Variants in ZFP64 observed in about 807,000 individuals in gnomAD.
The protein encoded by ZFP64 is ZFP64 zinc finger protein.
In ZFP64, 14 loss-of-function variants were observed where a neutral mutation model predicts 51.6. The observed-to-expected ratio is 0.27, with a 90% CI of 0.18 to 0.42. ZFP64 has a LOEUF of 0.42. Ranked by LOEUF, ZFP64 falls within the 10% of genes least tolerant of loss-of-function variation. The pLI is 1.00. For synonymous variants in ZFP64, 375 were observed against 361.4 expected, an observed-to-expected ratio of 1.04 and a Z score of -0.43; for missense variants, 754 against 906.8, an observed-to-expected ratio of 0.83 and a Z score of 2.16.
rs563210926 is a variant in ZFP64, at chr20:52,155,644, C to CT, written c.764-2217dup. Among the ~76,000 whole-genome samples the CT allele has an allele frequency of 1.5e-3, 213 of 146,418 alleles. 1 individual carries two copies. Among genetic ancestry groups the CT allele is most frequent in the Middle Eastern group, 3.5e-3 (1 of 286 alleles). On this transcript the variant is annotated intron_variant, in intron 5 of 5. Transcript: ENST00000216923. ...AAGCAAAGGTTTTAAATTCCTTTGT[C>CT]TTTTTTTTTTTAATTTAACCATAAA...
chr20:52,126,098 A>G (rs1979433516), intron 5 of ZFP64, among the ~76,000 whole-genome samples: 1 of 152,042 alleles, frequency 6.6e-6, no homozygotes, highest in Admixed American at 6.6e-5. Context: ...GCGTTTTACC[A>G]TGTTGGCCAG....
In ZFP64 at chr20:52,102,502, C is replaced by G. The variant is rs527836557; in HGVS notation, c.764-3915G>C. ...TTCAGCTCATTGGAACCCACACTTG[C>G]CAGATCTGCAACCCATCCTATGTCC... On this transcript the variant is annotated intron_variant, in intron 5 of 8. Transcript: ENST00000361387. Among the ~76,000 whole-genome samples, 8 of 152,276 alleles carry G rather than the reference C, an allele frequency of 5.3e-5. No individual in the cohort carries two copies. The South Asian group carries it at 1.0e-3, about 20-fold the overall frequency.
chr20:52,110,973 G>T, intron 5 of ZFP64: 2 of 1,500,730 alleles, frequency 1.3e-6, no homozygotes, highest in Non-Finnish European at 1.9e-6. Flanking sequence ...AGACGAACCT[G>T]CTTTTGGGAA....
At chr20:52,166,723 T>C (rs1365390625) in intron 2 of ZFP64, among the ~76,000 whole-genome samples, 1 of 152,176 alleles carries the variant, frequency 6.6e-6, no homozygotes, top group African/African-American at 2.4e-5. Flanking sequence ...CCCACATTGT[T>C]AACTACCATG....
intron 4 of ZFP64, 97 bp downstream of exon 4, chr20:52,164,598 C>T (rs73914231): frequency 0.013 from 13,236 of 1,018,452 alleles, 533 homozygotes; most frequent in East Asian, 0.12. Flanking sequence ...CAGCCAGTGA[C>T]GTTTGGAGTG....
At chr20:52,102,953 C>T (rs951497112) in intron 5 of ZFP64, among the ~76,000 whole-genome samples, 3 of 151,784 alleles carry the variant, frequency 2.0e-5, no homozygotes, top group Non-Finnish European at 2.9e-5. Context: ...ATGTTTTCAA[C>T]GCAAACTAGA....
Position 52,085,356 on chromosome 20 carries a change from G to A in ZFP64, c.1229-90C>T, listed in dbSNP as rs1767484787. ...GCCTTAGCACACTTGGCCGCCATGA[G>A]ATGGTTGGGTTTTGTGAACTCTAAA... On this transcript the variant is annotated intron_variant, in intron 8 of 8. Coordinates refer to the ZFP64 transcript ENST00000361387. This position sits in a 1 kb window ranked among gnomAD's most constrained non-coding sequence, Gnocchi z 4.3. 2 of 1,387,134 alleles carry A rather than the reference G, an allele frequency of 1.4e-6. No homozygotes were observed. Among genetic ancestry groups the A allele is most frequent in the Non-Finnish European group, 1.9e-6 (2 of 1,033,974 alleles). 85.9% of individuals were successfully genotyped at this position (1,387,134 alleles called of 1,614,324 possible). A position where few individuals can be genotyped will look rare whatever the true frequency, so the allele number is the denominator to read the frequency against.
rs896780690 is a variant in ZFP64 at position 52,105,011 on chromosome 20, G to A, written c.764-6424C>T. ...GCCCAGGTCCGAGTCCCAGGACTCTGCGCCGGACGCTTCGCCCGCCCTTTC... is the reference window on the plus strand; with the variant it reads ...GCCCAGGTCCGAGTCCCAGGACTCTACGCCGGACGCTTCGCCCGCCCTTTC... On this transcript the variant is annotated intron_variant, in intron 5 of 8. Coordinates refer to the ZFP64 transcript ENST00000361387. The A allele has an allele frequency of 9.2e-6, 11 of 1,196,418 alleles. No individual in the cohort carries two copies. The East Asian group carries it at 1.4e-4, about 15-fold the overall frequency. 74.1% of individuals were successfully genotyped at this position (1,196,418 alleles called of 1,614,324 possible). A position where few individuals can be genotyped will look rare whatever the true frequency, so the allele number is the denominator to read the frequency against.
At chr20:52,140,816 A>T (rs1478829877) in intron 5 of ZFP64, among the ~76,000 whole-genome samples, 1 of 152,176 alleles carries the variant, frequency 6.6e-6, no homozygotes, top group Non-Finnish European at 1.5e-5. Context: ...AGAAGATACC[A>T]TCTAGGATGT....
At chr20:52,113,592 C>CTT (rs61331317) in intron 5 of ZFP64, among the ~76,000 whole-genome samples, 2,928 of 126,900 alleles carry the variant, frequency 0.023, 108 homozygotes, top group African/African-American at 0.069. Context: ...CCATACCTGG[C>CTT]TTTTTTTTTT....
chr20:52,091,023 T>C (rs1568940850), intron 7 of ZFP64, among the ~76,000 whole-genome samples: 1 of 150,178 alleles, frequency 6.7e-6, no homozygotes, highest in Non-Finnish European at 1.5e-5. Flanking sequence ...GAGGATCACA[T>C]GAGCCCAGAA....
At chr20:52,161,563 G>A (rs568204094) in intron 4 of ZFP64, among the ~76,000 whole-genome samples, 8 of 150,818 alleles carry the variant, frequency 5.3e-5, no homozygotes, top group South Asian at 2.1e-4. Context: ...CCCACAACGC[G>A]GTTGTTAAGG....
intron 5 of ZFP64, among the ~76,000 whole-genome samples, chr20:52,142,411 C>CACACAA (rs1980316624): frequency 6.7e-6 from 1 of 150,300 alleles, no homozygotes; most frequent in Non-Finnish European, 1.5e-5. Flanking sequence ...CACACACACA[C>CACACAA]ACACACAAAT....
intron 5 of ZFP64, among the ~76,000 whole-genome samples, chr20:52,126,637 T>C (rs1468338400): frequency 2.0e-5 from 3 of 152,242 alleles, no homozygotes; most frequent in Non-Finnish European, 4.4e-5. Context: ...TTCAAATTAA[T>C]CTGAAGTCTG....
chr20:52,106,664 A>G (rs997735791), intron 5 of ZFP64, among the ~76,000 whole-genome samples: 1 of 152,156 alleles, frequency 6.6e-6, no homozygotes. Context: ...TTGTGAATCG[A>G]CTTGGGAATA....
chr20:52,190,424 C>T (rs538856399), intron 1 of ZFP64, among the ~76,000 whole-genome samples: 3 of 146,880 alleles, frequency 2.0e-5, no homozygotes, highest in Non-Finnish European at 4.4e-5. Context: ...GTTTTCTCAT[C>T]TGAAAAATGG....
intron 7 of ZFP64, among the ~76,000 whole-genome samples, chr20:52,092,121 G>T (rs1279017410): frequency 6.6e-6 from 1 of 152,172 alleles, no homozygotes; most frequent in African/African-American, 2.4e-5. Context: ...AGAAAGAATT[G>T]AGGCTACGTA....
chr20:52,108,372 CA>C (rs1212073974), intron 5 of ZFP64, among the ~76,000 whole-genome samples: 1 of 151,530 alleles, frequency 6.6e-6, no homozygotes, highest in East Asian at 1.9e-4. Context: ...TAATAGTAGC[CA>C]AAAACAAAGT....
chr20:52,148,732 C>G (rs1980646837), downstream of ZFP64, among the ~76,000 whole-genome samples: 1 of 151,296 alleles, frequency 6.6e-6, no homozygotes, highest in African/African-American at 2.4e-5. Context: ...AGAATTCTGG[C>G]TGCAGCAAGG....
Sources: gnomAD v4.1 joint callset for allele counts (sites outside exome capture counted in the v4.1 genomes callset) on GRCh38, gnomAD v4.1.1 for gene constraint, Gnocchi (gnomAD v3.1) non-coding constraint, MANE v1.5 for transcripts, NCBI Gene and HGNC (gene_info 2026-07-23, HGNC 2026-07-21) for gene names.